The following ETFA variants were observed in gnomAD, a reference collection of about 807,000 sequenced individuals.
ETFA encodes electron transfer flavoprotein subunit alpha, mitochondrial.
A neutral mutation model predicts 46.2 loss-of-function variants in ETFA; 22 were observed. The observed-to-expected ratio is 0.48, with a 90% CI of 0.34 to 0.68. ETFA has a LOEUF of 0.68. ETFA is among the 30% of genes least tolerant of loss of function. The probability of loss-of-function intolerance (pLI) is 0.01; values close to 1 mark genes in which losing one functional copy is unlikely to be tolerated. For synonymous variants in ETFA, 131 were observed against 139.9 expected (o/e 0.94, Z 0.45); for missense variants, 345 against 401.1 (o/e 0.86, Z 1.19).
At chr15:76,293,642 C>T (rs1035436241) in intron 2 of ETFA, among the ~76,000 whole-genome samples, 3 of 152,226 alleles carry the variant, frequency 2.0e-5, no homozygotes, top group Non-Finnish European at 4.4e-5. Flanking sequence ...ATCAGTCATA[C>T]TATCGTCTTC....
Position 76,311,402 on chromosome 15 carries a change from G to A in ETFA, c.-14C>T. On this transcript the variant is annotated 5_prime_UTR_variant, in exon 1 of 12. Transcript: ENST00000557943. ...CGCTCGGAACATGGTCTCCGCTTCC[G>A]CCGCAACCTCGGCCTTACAGCAGCC... 6.4e-7 allele frequency: 1 copy of A among 1,557,854 alleles called. No individual in the cohort carries two copies. The highest frequency in any genetic ancestry group is 8.7e-7 in the Non-Finnish European group (1 of 1,152,340).
intron 7 of ETFA, 46 bp from the exon 8 acceptor site, chr15:76,283,871 C>A (rs756930620): frequency 7.3e-7 from 1 of 1,365,080 alleles, no homozygotes; most frequent in Non-Finnish European, 1.0e-6. Context: ...ACATCAAATA[C>A]ATTCTGGAAC....
At position 76,307,794 on chromosome 15, in the gene ETFA, C is replaced by A. The variant is rs549253671; in HGVS notation, c.39+3556G>T. Among the ~76,000 whole-genome samples, 38 of 152,236 alleles carry A rather than the reference C, an allele frequency of 2.5e-4. No homozygotes were observed. The East Asian group carries it at 6.9e-3, about 28-fold the overall frequency. On this transcript the variant is annotated intron_variant, in intron 1 of 11. Transcript: ENST00000557943. ...CCACCATGGTTGGCCCCATCTTAAC[C>A]ATTTTTAAGTGTTAAGTGTTAACTA... is the stretch of plus-strand genomic sequence containing the variant.
At chr15:76,245,707 T>C (rs1374366965) in intron 9 of ETFA, among the ~76,000 whole-genome samples, 12 of 152,222 alleles carry the variant, frequency 7.9e-5, no homozygotes, top group Admixed American at 7.2e-4. Flanking sequence ...CACTAAGAAG[T>C]TGCACTAAGC....
At chr15:76,262,474 C>CTTTTTT (rs60480510) in intron 9 of ETFA, among the ~76,000 whole-genome samples, 27 of 84,686 alleles carry the variant, frequency 3.2e-4, no homozygotes, top group South Asian at 5.6e-4. Context: ...ATCAAACCCC[C>CTTTTTT]TTTTTTTTTT....
At chr15:76,274,757 TTAAG>T (rs2039576104) in intron 8 of ETFA, among the ~76,000 whole-genome samples, 1 of 152,196 alleles carries the variant, frequency 6.6e-6, no homozygotes, top group Non-Finnish European at 1.5e-5. Context: ...TAATGCTCCT[TTAAG>T]TAATAACTTC....
intron 9 of ETFA, among the ~76,000 whole-genome samples, chr15:76,257,053 G>A (rs990874181): frequency 2.6e-5 from 4 of 150,974 alleles, no homozygotes; most frequent in Non-Finnish European, 4.4e-5. Context: ...AGTGATGCAT[G>A]CCTATATTAA....
rs149654619 is a variant in ETFA, at chr15:76,306,375, T to C, written c.39+4975A>G. Among the ~76,000 whole-genome samples, 719 of 150,570 alleles carry C rather than the reference T, an allele frequency of 4.8e-3. 4 individuals are homozygous for C. Among genetic ancestry groups the C allele is most frequent in the African/African-American group, 0.017 (698 of 40,860 alleles). The stretch of plus-strand genomic sequence containing the variant: ...TCCGCCTCCTGGGTTCAAGCAATTC[T>C]CCTGCCTCAGCCTCCTAAGTAGCTG... On this transcript the variant is annotated intron_variant, in intron 1 of 11. Transcript: ENST00000557943.
At chr15:76,218,723 T>C (rs1039906321) in intron 11 of ETFA, among the ~76,000 whole-genome samples, 7 of 152,226 alleles carry the variant, frequency 4.6e-5, no homozygotes. Flanking sequence ...GGCAGCTCCC[T>C]ACTCAGTAAG....
intron 11 of ETFA, among the ~76,000 whole-genome samples, chr15:76,218,762 A>T (rs933988993): frequency 4.6e-5 from 7 of 152,164 alleles, no homozygotes; most frequent in East Asian, 1.9e-4. Flanking sequence ...AAGTTTTTTT[A>T]AAAAAAGACA....
intron 9 of ETFA, among the ~76,000 whole-genome samples, chr15:76,240,637 AAAG>A (rs2039176186): frequency 6.6e-6 from 1 of 152,242 alleles, no homozygotes; most frequent in South Asian, 2.1e-4. Context: ...AATCAGAAAA[AAAG>A]TGAAATTTCA....
chr15:76,269,113 T>C (rs558805899), intron 9 of ETFA, among the ~76,000 whole-genome samples: 6 of 152,226 alleles, frequency 3.9e-5, no homozygotes, highest in Admixed American at 6.5e-5. Flanking sequence ...CTAATAATTA[T>C]GTGCTTGTGC....
At chr15:76,309,573 T>C (rs1277472948) in intron 1 of ETFA, among the ~76,000 whole-genome samples, 2 of 152,272 alleles carry the variant, frequency 1.3e-5, no homozygotes, top group Non-Finnish European at 2.9e-5. Context: ...GTAATGTCTA[T>C]ACACATTAGC....
chr15:76,305,759 C>T (rs939282796), intron 1 of ETFA, among the ~76,000 whole-genome samples: 1 of 152,192 alleles, frequency 6.6e-6, no homozygotes, highest in Non-Finnish European at 1.5e-5. Context: ...TGGCTTTCAC[C>T]TTCACAACAC....
chr15:76,274,365 C>G, intron 9 of ETFA, 47 bp downstream of exon 9: 1 of 1,374,810 alleles, frequency 7.3e-7, no homozygotes, highest in Middle Eastern at 1.8e-4. Context: ...ACATACAGTA[C>G]TTATCCCCAT....
chr15:76,268,784 A>T (rs2039498876), intron 9 of ETFA, among the ~76,000 whole-genome samples: 1 of 152,212 alleles, frequency 6.6e-6, no homozygotes, highest in Admixed American at 6.5e-5. Flanking sequence ...GGCTAAGAAA[A>T]ATGAAGCTGG....
intron 11 of ETFA, among the ~76,000 whole-genome samples, chr15:76,220,659 T>G (rs117973661): frequency 0.035 from 5,336 of 152,132 alleles, 143 homozygotes; most frequent in Non-Finnish European, 0.054. Flanking sequence ...GATTTAAAAA[T>G]TACAAAGGAT....
intron 1 of ETFA, among the ~76,000 whole-genome samples, chr15:76,308,123 C>T (rs554228356): frequency 6.6e-6 from 1 of 152,138 alleles, no homozygotes; most frequent in African/African-American, 2.4e-5. Context: ...TCCATAAATC[C>T]ATAAATATGC....
At chr15:76,294,906 T>C (rs2039802087) in intron 2 of ETFA, among the ~76,000 whole-genome samples, 1 of 152,164 alleles carries the variant, frequency 6.6e-6, no homozygotes, top group Non-Finnish European at 1.5e-5. Flanking sequence ...TCAGATTTAT[T>C]CCTCTGTGAA....
Sources: allele counts gnomAD v4.1 joint callset (sites outside exome capture counted in the v4.1 genomes callset), GRCh38; gene constraint gnomAD v4.1.1; transcripts MANE v1.5; gene names NCBI Gene and HGNC (gene_info 2026-07-23, HGNC 2026-07-21).